The following FCGR3A variants were observed in gnomAD, a reference collection of about 807,000 sequenced individuals.
The protein encoded by FCGR3A is low affinity immunoglobulin gamma Fc region receptor III-A.
FCGR3A carries 13 observed loss-of-function variants against 24.1 expected under a neutral mutation model. The ratio of observed to expected loss-of-function variants is 0.54; its 90% CI spans 0.35 to 0.86. FCGR3A has a LOEUF of 0.86. Among genes scored for constraint, FCGR3A ranks in the 40% least tolerant of loss-of-function variants. FCGR3A has a pLI of 0.01. For synonymous variants in FCGR3A, 93 were observed against 112.2 expected, an observed-to-expected ratio of 0.83 and a Z score of 1.08; for missense variants, 235 against 298.0, an observed-to-expected ratio of 0.79 and a Z score of 1.56.
chr1:161,544,567 G>C, intron 4 of FCGR3A, 134 bp downstream of exon 4: 12 of 911,322 alleles, frequency 1.3e-5, no homozygotes, highest in Non-Finnish European at 2.0e-5. Context: ...ACCTCCTGGT[G>C]ATCACCAGGA....
upstream of FCGR3A, chr1:161,549,977 CT>C: frequency 1.0e-6 from 1 of 959,672 alleles, no homozygotes; most frequent in Non-Finnish European, 1.6e-6. Flanking sequence ...GGTCTGCCCC[CT>C]TTACTCCCTC....
In FCGR3A at chr1:161,544,874, G is replaced by A; in HGVS notation, c.404C>T (p.Ala135Val). The A allele has an allele frequency of 6.2e-7, 1 of 1,613,806 alleles. No individual in the cohort carries two copies. Among genetic ancestry groups the A allele is most frequent in the Non-Finnish European group, 8.5e-7 (1 of 1,179,846 alleles). The part of the protein sequence containing the change: ...HLRCHSWKNT[A>V]LHKVTYLQNG... Reference sequence around the variant, plus strand: ...CTGTAAATATGTGACCTTATGCAGAGCAGTGTTCTTCCAGCTGTGACACCT... The same window carrying A: ...CTGTAAATATGTGACCTTATGCAGAACAGTGTTCTTCCAGCTGTGACACCT... Residue 135 changes from alanine (A) to valine (V), a missense_variant, in exon 4 of 5, where the codon GCT becomes GTT. By Grantham distance (64) the Ala-to-Val change is moderately conservative (BLOSUM62 0). Coordinates refer to ENST00000443193, the MANE Select transcript of FCGR3A (RefSeq NM_000569.8).
At chr1:161,550,066 C>T, upstream of FCGR3A, 4 of 596,738 alleles carry the variant, frequency 6.7e-6, no homozygotes, top group Non-Finnish European at 2.9e-6. Context: ...GGATGCTTGC[C>T]CCATCTCCTG....
rs376707460 is a variant in FCGR3A, at chr1:161,542,675, C to T, written c.*337G>A. 6.0e-5 allele frequency: 11 copies of T among 183,590 alleles called. No individual in the cohort carries two copies. The highest frequency in any genetic ancestry group is 1.4e-4 in the East Asian group (1 of 7,322). 11.4% of individuals were successfully genotyped at this position (183,590 alleles called of 1,614,324 possible). ...CCCCTCTAAACTGGGTAATTTATAA[C>T]ACGAGCAATTTTTGTATGTTTAAAG... On this transcript the variant is annotated 3_prime_UTR_variant, in exon 5 of 5. Coordinates refer to ENST00000443193, the MANE Select transcript of FCGR3A (RefSeq NM_000569.8).
intron 3 of FCGR3A, among the ~76,000 whole-genome samples, chr1:161,546,719 C>G (rs188675008): frequency 8.6e-5 from 13 of 151,752 alleles, no homozygotes; most frequent in African/African-American, 3.1e-4. Context: ...TCCTGGCTAA[C>G]GCTGCGAAAC....
intron 3 of FCGR3A, among the ~76,000 whole-genome samples, chr1:161,547,049 C>G (rs1006371600): frequency 1.3e-5 from 2 of 152,122 alleles, no homozygotes; most frequent in African/African-American, 4.8e-5. Flanking sequence ...CTCATGGTCA[C>G]AGTTTAATAT....
chr1:161,549,947 G>C (rs1557859220), upstream of FCGR3A: 9 of 1,379,818 alleles, frequency 6.5e-6, no homozygotes, highest in African/African-American at 1.5e-5. Flanking sequence ...GAAGGAAAGA[G>C]CCTGGAGGCA....
At position 161,544,834 on chromosome 1, in the gene FCGR3A, C is replaced by G. The variant is rs555132253; in HGVS notation, c.444G>C (p.Arg148Ser). The G allele has an allele frequency of 6.2e-7, 1 of 1,613,956 alleles. No individual in the cohort carries two copies. Among genetic ancestry groups the G allele is most frequent in the South Asian group, 1.1e-5 (1 of 91,042 alleles). ...KVTYLQNGKG[R>S]KYFHHNSDFY... ...AGTCAGAATTATGATGAAAATACTTCCTGCCTTTGCCATTCTGTAAATATG... is the reference window on the plus strand; with the variant it reads ...AGTCAGAATTATGATGAAAATACTTGCTGCCTTTGCCATTCTGTAAATATG... The change falls in exon 4 of 5, where the codon AGG becomes AGC. Residue 148 changes from arginine to serine, a missense_variant. Transcript: ENST00000443193.
At chr1:161,550,057 G>A, upstream of FCGR3A, 1 of 605,048 alleles carries the variant, frequency 1.7e-6, no homozygotes, top group African/African-American at 1.9e-5. Flanking sequence ...GCCATCCCAG[G>A]ATGCTTGCCC....
chr1:161,547,077 C>T (rs1199913533), intron 3 of FCGR3A, among the ~76,000 whole-genome samples: 1 of 152,116 alleles, frequency 6.6e-6, no homozygotes, highest in Non-Finnish European at 1.5e-5. Context: ...ATTGGCTAGA[C>T]TTCTAAAGCC....
Position 161,542,953 on chromosome 1 carries a change from C to G in FCGR3A, c.*59G>C. The G allele has an allele frequency of 7.1e-7, 1 of 1,402,392 alleles. No homozygotes were observed. The highest frequency in any genetic ancestry group is 9.8e-7 in the Non-Finnish European group (1 of 1,022,214). 86.9% of individuals were successfully genotyped at this position (1,402,392 alleles called of 1,614,324 possible). ...GCCTGAGGATGATGGGGTTGCAAAT[C>G]CAGAGAAATGTTCAGAGATGCTGCT... is the stretch of plus-strand genomic sequence containing the variant. On this transcript the variant is annotated 3_prime_UTR_variant, in exon 5 of 5. Transcript: ENST00000443193.
intron 3 of FCGR3A, among the ~76,000 whole-genome samples, chr1:161,547,156 G>A (rs1677454149): frequency 6.6e-6 from 1 of 152,004 alleles, no homozygotes; most frequent in African/African-American, 2.4e-5. Context: ...CTTTCTCTTG[G>A]TAATTCCCCC....
chr1:161,550,009 C>A, upstream of FCGR3A: 5 of 727,746 alleles, frequency 6.9e-6, no homozygotes, highest in Non-Finnish European at 1.1e-5. Context: ...GGCTGAGCAT[C>A]TGAGGACACA....
At chr1:161,548,835 A>T (rs375086523) in intron 2 of FCGR3A, among the ~76,000 whole-genome samples, 157 bp from the exon 3 acceptor site, 3 of 151,606 alleles carry the variant, frequency 2.0e-5, no homozygotes, top group Admixed American at 2.0e-4. Flanking sequence ...CCTGTTCAGT[A>T]TCTTAAGGAA....
rs1352662422 is a variant in FCGR3A, at chr1:161,547,460, G to A, written c.319+961C>T. Among the ~76,000 whole-genome samples, 4 of 152,152 alleles carry A rather than the reference G, an allele frequency of 2.6e-5. No homozygotes were observed. The South Asian group carries it at 8.3e-4, about 32-fold the overall frequency. On this transcript the variant is annotated intron_variant, in intron 3 of 4. Transcript: ENST00000443193. ...AGGGACCAGCCTATGTGGTAAGATT[G>A]TAGGGACACCAGGAAAGACCTCTGC...
chr1:161,549,568 A>C, intron 1 of FCGR3A, 129 bp downstream of exon 1: 1 of 1,476,698 alleles, frequency 6.8e-7, no homozygotes, highest in Non-Finnish European at 9.0e-7. Context: ...TAGGAGCTCA[A>C]TCCACAGCTA....
chr1:161,546,676 T>C (rs1244833368), intron 3 of FCGR3A, among the ~76,000 whole-genome samples: 3 of 151,768 alleles, frequency 2.0e-5, no homozygotes, highest in South Asian at 2.1e-4. Flanking sequence ...GAGGCCGAGG[T>C]GGGCAGATCA....
intron 4 of FCGR3A, 102 bp downstream of exon 4, chr1:161,544,599 G>A: frequency 2.3e-6 from 3 of 1,326,794 alleles, no homozygotes; most frequent in Non-Finnish European, 3.1e-6. Context: ...ATGAAGAAGT[G>A]CGTGTAAGAA....
At chr1:161,545,030 A>T in intron 3 of FCGR3A, 72 bp from the exon 4 acceptor site, 3 of 1,576,962 alleles carry the variant, frequency 1.9e-6, no homozygotes, top group Non-Finnish European at 2.6e-6. Context: ...GGGGCCACGT[A>T]CCACCCAGAT....
Sources: allele counts gnomAD v4.1 joint callset (sites outside exome capture counted in the v4.1 genomes callset), GRCh38; gene constraint gnomAD v4.1.1; transcripts MANE v1.5; gene names NCBI Gene and HGNC (gene_info 2026-07-23, HGNC 2026-07-21).